RAB28: variants seen among roughly 807,000 people sequenced by gnomAD.
RAB28 encodes the protein ras-related protein Rab-28.
Under a neutral mutation model 31.7 loss-of-function variants are expected in RAB28, and 24 were observed. That is an observed-to-expected ratio of 0.76 (90% confidence interval 0.55 to 1.06). The LOEUF is 1.06. RAB28 is among the 50% of genes least tolerant of loss of function. The pLI, the probability that RAB28 is intolerant of heterozygous loss-of-function variation, is 0.00. For synonymous variants in RAB28, 100 were observed against 90.4 expected, an observed-to-expected ratio of 1.11 and a Z score of -0.60; for missense variants, 254 against 258.5, an observed-to-expected ratio of 0.98 and a Z score of 0.12.
Position 13,368,608 on chromosome 4 carries a change from T to A in RAB28, c.616A>T (p.Met206Leu). The change falls in exon 7 of 7, where the codon ATG becomes TTG. Residue 206 changes from methionine to leucine, a missense_variant. Coordinates refer to ENST00000330852, the MANE Select transcript of RAB28 (RefSeq NM_001017979.3). The part of the protein sequence containing the change: ...ADIVNYNQEP[M>L]SRTVNPPRSS... ...CTAGGAGGGTTAACAGTCCTTGACA[T>A]AGGTTCCTGGTTGTAGTTTACAATA... 6.2e-7 allele frequency: 1 copy of A among 1,612,496 alleles called. No homozygotes were observed. The highest frequency in any genetic ancestry group is 8.5e-7 in the Non-Finnish European group (1 of 1,179,068).
At chr4:13,374,639 A>G (rs1379344885) in intron 6 of RAB28, among the ~76,000 whole-genome samples, 2 of 152,008 alleles carry the variant, frequency 1.3e-5, no homozygotes, top group African/African-American at 2.4e-5. Context: ...TCAGACTTCT[A>G]TCCTCTCTTA....
chr4:13,416,426 A>AG (rs1452855437), intron 4 of RAB28, among the ~76,000 whole-genome samples: 2 of 152,210 alleles, frequency 1.3e-5, no homozygotes, highest in Admixed American at 1.3e-4. Context: ...ACTCACCGCG[A>AG]GGGTCCGCGG....
intron 4 of RAB28, among the ~76,000 whole-genome samples, chr4:13,398,055 T>A (rs1711524038): frequency 6.6e-6 from 1 of 152,072 alleles, no homozygotes; most frequent in Non-Finnish European, 1.5e-5. Flanking sequence ...TCAATTAGGT[T>A]ACCTAAATCC....
chr4:13,403,015 G>A (rs558104115), intron 4 of RAB28, among the ~76,000 whole-genome samples: 61 of 152,164 alleles, frequency 4.0e-4, no homozygotes, highest in African/African-American at 1.3e-3. Flanking sequence ...GGCTGATCTC[G>A]AACTCCTGAG....
At chr4:13,430,173 AT>A (rs1219674013) in intron 4 of RAB28, among the ~76,000 whole-genome samples, 10 of 151,030 alleles carry the variant, frequency 6.6e-5, no homozygotes, top group South Asian at 2.1e-4. Flanking sequence ...ATTAAAAAAA[AT>A]TTTTTTTTTA....
At chr4:13,452,069 T>C (rs1017105734) in intron 4 of RAB28, among the ~76,000 whole-genome samples, 11 of 151,976 alleles carry the variant, frequency 7.2e-5, no homozygotes, top group Admixed American at 6.5e-4. Flanking sequence ...AGCTCAAAAC[T>C]GTGTATAGTT....
chr4:13,392,541 G>C (rs1156397241), intron 4 of RAB28, among the ~76,000 whole-genome samples: 7 of 152,164 alleles, frequency 4.6e-5, no homozygotes, highest in Non-Finnish European at 8.8e-5. Flanking sequence ...CATCTGGAAA[G>C]AAAGTAGTGC....
At chr4:13,481,653 A>G (rs1716610094) in intron 1 of RAB28, among the ~76,000 whole-genome samples, 1 of 152,100 alleles carries the variant, frequency 6.6e-6, no homozygotes, top group Non-Finnish European at 1.5e-5. Context: ...AAAGCTCTTA[A>G]GAGACTATGT....
chr4:13,456,471 C>A (rs1236886571), intron 4 of RAB28, among the ~76,000 whole-genome samples: 2 of 152,154 alleles, frequency 1.3e-5, no homozygotes, highest in African/African-American at 4.8e-5. Context: ...CTCATTTAAT[C>A]TTTAAATCAG....
At chr4:13,473,856 A>G (rs1291133670) in intron 3 of RAB28, 3 of 371,516 alleles carry the variant, frequency 8.1e-6, no homozygotes, top group African/African-American at 2.2e-5. Flanking sequence ...GATAGAAAAT[A>G]CAGACATGTC....
At chr4:13,460,436 A>G (rs1432517459) in intron 4 of RAB28, among the ~76,000 whole-genome samples, 1 of 152,130 alleles carries the variant, frequency 6.6e-6, no homozygotes. Flanking sequence ...GGTTTGTCCG[A>G]AACTCCTGGC....
At chr4:13,438,678 T>C (rs1166453977) in intron 4 of RAB28, among the ~76,000 whole-genome samples, 1 of 152,204 alleles carries the variant, frequency 6.6e-6, no homozygotes, top group Admixed American at 6.5e-5. Context: ...CTAATAGAAA[T>C]TTGGGCTGTT....
intron 3 of RAB28, among the ~76,000 whole-genome samples, chr4:13,466,630 AT>A (rs1233597551): frequency 6.6e-6 from 1 of 151,890 alleles, no homozygotes. Flanking sequence ...GGGAAACTGT[AT>A]GGAGGTTCCT....
intron 2 of RAB28, among the ~76,000 whole-genome samples, chr4:13,478,483 G>A (rs1049769131): frequency 6.6e-6 from 1 of 151,324 alleles, no homozygotes; most frequent in Non-Finnish European, 1.5e-5. Context: ...AACTTTCATG[G>A]GGAGTTGTCT....
chr4:13,444,944 G>C (rs983875951), intron 4 of RAB28, among the ~76,000 whole-genome samples: 2 of 151,874 alleles, frequency 1.3e-5, no homozygotes, highest in Admixed American at 1.3e-4. Context: ...AGGTGGGGAA[G>C]GTCTCCTGGA....
At chr4:13,474,820 G>A (rs1327766013) in intron 2 of RAB28, among the ~76,000 whole-genome samples, 1 of 151,492 alleles carries the variant, frequency 6.6e-6, no homozygotes, top group African/African-American at 2.4e-5. Context: ...TTCTGTCGTA[G>A]GTTCTAAACT....
intron 2 of RAB28, among the ~76,000 whole-genome samples, chr4:13,475,842 A>C (rs911397938): frequency 6.6e-6 from 1 of 151,558 alleles, no homozygotes; most frequent in Non-Finnish European, 1.5e-5. Context: ...TTTGAGATTC[A>C]AGGCTGAATT....
intron 4 of RAB28, among the ~76,000 whole-genome samples, chr4:13,382,012 T>C (rs945082543): frequency 6.6e-6 from 1 of 152,242 alleles, no homozygotes; most frequent in Admixed American, 6.5e-5. Flanking sequence ...AAGAGTTTAA[T>C]TACTTTAATA....
chr4:13,484,215 G>A lies in RAB28; in HGVS notation c.-65C>T. On this transcript the variant is annotated 5_prime_UTR_variant, in exon 1 of 7. Coordinates refer to ENST00000330852, the MANE Select transcript of RAB28 (RefSeq NM_001017979.3). The stretch of plus-strand genomic sequence containing the variant: ...GGAAGGGAAGGATGAAGGCTCCGGG[G>A]GCGGGGGAGAGGAGGAAGGGAGGTA... The A allele has an allele frequency of 1.5e-6, 2 of 1,348,802 alleles. No homozygotes were observed. The highest frequency in any genetic ancestry group is 2.1e-6 in the Non-Finnish European group (2 of 963,690). The allele number at this position is 1,348,802 out of a possible 1,614,324, so 83.6% of individuals were successfully genotyped here. A position where few individuals can be genotyped will look rare whatever the true frequency, so the allele number is the denominator to read the frequency against.
Sources: allele counts gnomAD v4.1 joint callset (sites outside exome capture counted in the v4.1 genomes callset), GRCh38; gene constraint gnomAD v4.1.1; transcripts MANE v1.5; gene names NCBI Gene and HGNC (gene_info 2026-07-23, HGNC 2026-07-21).